Variants in SOX5 observed in about 807,000 individuals in gnomAD.
SOX5 encodes the protein transcription factor SOX-5.
A neutral mutation model predicts 92.0 loss-of-function variants in SOX5; 9 were observed. That is an observed-to-expected ratio of 0.10 (90% CI 0.06 to 0.17). The LOEUF is 0.17. Ranked by LOEUF, SOX5 falls within the 10% of genes least tolerant of loss-of-function variation. The probability of loss-of-function intolerance (pLI) is 1.00; values close to 1 mark genes in which losing one functional copy is unlikely to be tolerated. For synonymous variants in SOX5, 344 were observed against 336.3 expected (o/e 1.02, Z -0.25); for missense variants, 642 against 944.5 (o/e 0.68, Z 4.20).
chr12:23,869,533 C>T (rs2096851055), intron 2 of SOX5, among the ~76,000 whole-genome samples: 1 of 152,124 alleles, frequency 6.6e-6, no homozygotes, highest in South Asian at 2.1e-4. Context: ...AAATTGATCT[C>T]ATGCACCTCT....
At chr12:23,642,862 C>T (rs1276071548) in intron 7 of SOX5, among the ~76,000 whole-genome samples, 9 of 111,134 alleles carry the variant, frequency 8.1e-5, no homozygotes, top group South Asian at 3.6e-4. Flanking sequence ...CCGAGGCGGG[C>T]GGATCACGAG....
chr12:24,025,104 T>C (rs996025075), intron 4 of SOX5, among the ~76,000 whole-genome samples: 1 of 151,992 alleles, frequency 6.6e-6, no homozygotes, highest in Non-Finnish European at 1.5e-5. Flanking sequence ...ACTTCAAAAC[T>C]GACGATGCTA....
At chr12:23,929,113 A>T (rs1179501212) in intron 1 of SOX5, among the ~76,000 whole-genome samples, 1 of 151,924 alleles carries the variant, frequency 6.6e-6, no homozygotes, top group African/African-American at 2.4e-5. Context: ...GTATAAATTA[A>T]AAGTGGAACA....
intron 1 of SOX5, among the ~76,000 whole-genome samples, chr12:24,415,586 T>A (rs965824985): frequency 1.3e-5 from 2 of 152,192 alleles, no homozygotes; most frequent in African/African-American, 4.8e-5. Flanking sequence ...GTTAGGCTGG[T>A]AAACTTTGCT....
In SOX5 at chr12:23,872,164, ATTTTTTT is replaced by A. The variant is rs71059938; in HGVS notation, c.270+23622_270+23628del. 3.2e-4 allele frequency among the ~76,000 whole-genome samples: 20 copies of A among 61,650 alleles called. 1 individual carries two copies. The highest frequency in any genetic ancestry group is 1.4e-3 in the East Asian group (3 of 2,168). The allele number at this position is 61,650 out of a possible 152,430, so 40.4% of individuals were successfully genotyped here. A position where few individuals can be genotyped will look rare whatever the true frequency, so the allele number is the denominator to read the frequency against. Reference sequence around the variant, plus strand: ...AGGCGCCCGCCACCACGCCCGGCTAATTTTTTTTTTTTTTTTTTTTTTTTTTTTTAGT... The same window carrying A: ...AGGCGCCCGCCACCACGCCCGGCTAATTTTTTTTTTTTTTTTTTTTTTAGT... On this transcript the variant is annotated intron_variant, in intron 2 of 14. Coordinates refer to ENST00000451604, the MANE Select transcript of SOX5 (RefSeq NM_006940.6).
At chr12:23,985,092 C>A (rs1204677472) in intron 4 of SOX5, among the ~76,000 whole-genome samples, 1 of 151,910 alleles carries the variant, frequency 6.6e-6, no homozygotes. Context: ...TTTCAAAGAT[C>A]CCCTCTATAA....
chr12:24,522,982 G>A (rs1294222866), intron 1 of SOX5, among the ~76,000 whole-genome samples: 1 of 152,040 alleles, frequency 6.6e-6, no homozygotes, highest in Non-Finnish European at 1.5e-5. Flanking sequence ...AATCATCCCT[G>A]TTTGCAAGTG....
At chr12:23,673,557 T>C (rs1433923553) in intron 6 of SOX5, among the ~76,000 whole-genome samples, 1 of 152,154 alleles carries the variant, frequency 6.6e-6, no homozygotes, top group Non-Finnish European at 1.5e-5. Flanking sequence ...TAGTTTTCAA[T>C]TATATTTCTT....
intron 4 of SOX5, among the ~76,000 whole-genome samples, chr12:24,194,471 G>A (rs942765281): frequency 1.3e-5 from 2 of 152,064 alleles, no homozygotes; most frequent in African/African-American, 4.8e-5. Flanking sequence ...ATATGTGTGT[G>A]TGTAAAAACT....
At chr12:23,972,089 C>A (rs930744441) in intron 4 of SOX5, among the ~76,000 whole-genome samples, 1 of 152,110 alleles carries the variant, frequency 6.6e-6, no homozygotes, top group Admixed American at 6.5e-5. Flanking sequence ...GATTAAAATT[C>A]TATTGCTTTG....
At chr12:24,413,047 G>A (rs1186488007) in intron 1 of SOX5, among the ~76,000 whole-genome samples, 2 of 152,128 alleles carry the variant, frequency 1.3e-5, no homozygotes, top group African/African-American at 2.4e-5. Flanking sequence ...GAGCCATCGC[G>A]CCCGGCCTCA....
At chr12:24,245,356 G>A (rs1438058809) in intron 3 of SOX5, among the ~76,000 whole-genome samples, 1 of 73,356 alleles carries the variant, frequency 1.4e-5, no homozygotes, top group Non-Finnish European at 2.6e-5. Context: ...TTCTGAATGA[G>A]TTAATAAATT....
chr12:23,636,509 C>T (rs1350582138), intron 8 of SOX5, among the ~76,000 whole-genome samples: 5 of 152,032 alleles, frequency 3.3e-5, no homozygotes, highest in Non-Finnish European at 7.4e-5. Context: ...CAATTATATG[C>T]AAAAGGTTAT....
intron 4 of SOX5, among the ~76,000 whole-genome samples, chr12:24,010,843 G>A (rs1332591336): frequency 6.6e-6 from 1 of 151,910 alleles, no homozygotes; most frequent in Non-Finnish European, 1.5e-5. Context: ...AGAGGCTGAG[G>A]CCCAAGAATT....
At chr12:24,053,316 G>A (rs1017701239) in intron 4 of SOX5, among the ~76,000 whole-genome samples, 1 of 151,852 alleles carries the variant, frequency 6.6e-6, no homozygotes, top group Non-Finnish European at 1.5e-5. Flanking sequence ...TGTTAGTAGA[G>A]ACGGGGTTTC....
intron 2 of SOX5, among the ~76,000 whole-genome samples, chr12:24,329,562 C>G (rs1951067365): frequency 6.6e-6 from 1 of 152,046 alleles, no homozygotes; most frequent in African/African-American, 2.4e-5. Context: ...AAGAATGTTT[C>G]CAATTAAGAA....
At chr12:24,401,640 T>G (rs976105349) in intron 1 of SOX5, among the ~76,000 whole-genome samples, 1 of 146,060 alleles carries the variant, frequency 6.8e-6, no homozygotes. Flanking sequence ...TGCCCAGGAG[T>G]TGGAAGATGC....
chr12:23,858,533 C>G (rs2136331746), intron 2 of SOX5, among the ~76,000 whole-genome samples: 1 of 152,224 alleles, frequency 6.6e-6, no homozygotes, highest in African/African-American at 2.4e-5. Flanking sequence ...ATTAAAAAGT[C>G]AGAAAGTAAC....
intron 4 of SOX5, among the ~76,000 whole-genome samples, chr12:24,147,466 G>A (rs1951201852): frequency 6.6e-6 from 1 of 152,182 alleles, no homozygotes; most frequent in South Asian, 2.1e-4. Flanking sequence ...CTTACAGGTA[G>A]CACACTACTT....
Sources: allele counts gnomAD v4.1 joint callset (sites outside exome capture counted in the v4.1 genomes callset), GRCh38; gene constraint gnomAD v4.1.1; transcripts MANE v1.5; gene names NCBI Gene and HGNC (gene_info 2026-07-23, HGNC 2026-07-21).